Variants in NEURL1 observed in about 807,000 individuals in gnomAD.
NEURL1 encodes the protein neuralized E3 ubiquitin protein ligase 1, also known as E3 ubiquitin-protein ligase NEURL1.
In NEURL1, 26 loss-of-function variants were observed where a neutral mutation model predicts 41.2. The observed-to-expected ratio is 0.63, with a 90% CI of 0.46 to 0.87. The LOEUF (loss-of-function observed/expected upper bound fraction) is 0.87. Among genes scored for constraint, NEURL1 ranks in the 40% least tolerant of loss-of-function variants. The pLI is 0.00. For synonymous variants in NEURL1, 400 were observed against 402.3 expected (o/e 0.99, Z 0.07); for missense variants, 761 against 871.1 (o/e 0.87, Z 1.59).
intron 1 of NEURL1, chr10:103,550,447 C>A (rs2035011378): frequency 6.6e-6 from 1 of 152,482 alleles, no homozygotes; most frequent in East Asian, 1.9e-4. Context: ...GCCCTGCTTC[C>A]TGCCTGCAGG....
At chr10:103,575,795 A>G (rs966597477) in intron 3 of NEURL1, among the ~76,000 whole-genome samples, 1 of 152,232 alleles carries the variant, frequency 6.6e-6, no homozygotes, top group African/African-American at 2.4e-5. Context: ...ATCGTCAAGA[A>G]TAACAGCTTC....
At chr10:103,544,210 G>C (rs571125856) in intron 1 of NEURL1, among the ~76,000 whole-genome samples, 1 of 152,278 alleles carries the variant, frequency 6.6e-6, no homozygotes, top group East Asian at 1.9e-4. Context: ...CTCTTGGATG[G>C]GGAATCTGGG....
In NEURL1 at chr10:103,591,290, C is replaced by T. The variant is rs2133888656; in HGVS notation, c.*918C>T. On this transcript the variant is annotated 3_prime_UTR_variant, in exon 6 of 6. Coordinates refer to ENST00000369780, the MANE Select transcript of NEURL1 (RefSeq NM_004210.5). ...CCCCATATCTTGTGCTGTCCAGGGC[C>T]TAGGCTGATAGTCAGAGCCTGTGGC... The T allele has an allele frequency of 6.5e-6, 1 of 152,872 alleles. No individual in the cohort carries two copies. The highest frequency in any genetic ancestry group is 2.1e-4 in the South Asian group (1 of 4,832). The allele number at this position is 152,872 out of a possible 1,614,324, so 9.5% of individuals were successfully genotyped here.
At chr10:103,526,372 T>C (rs1393198634) in intron 1 of NEURL1, among the ~76,000 whole-genome samples, 2 of 152,212 alleles carry the variant, frequency 1.3e-5, no homozygotes, top group Non-Finnish European at 2.9e-5. Context: ...GTCCTGTGCT[T>C]TTCTTTGATG....
chr10:103,530,742 T>C lies in NEURL1; in HGVS notation c.85+36270T>C, dbSNP rs558280512. 2.6e-5 allele frequency among the ~76,000 whole-genome samples: 4 copies of C among 152,068 alleles called. No individual in the cohort carries two copies. In the East Asian group the frequency reaches 5.8e-4, roughly 22 times the overall value. On this transcript the variant is annotated intron_variant, in intron 1 of 5. Transcript: ENST00000369780. ...TATTAGTAGAGACGGGGTTTCACTG[T>C]GTTGGCCAGGCTGGTCTGTAACTCC... is the stretch of plus-strand genomic sequence containing the variant.
intron 1 of NEURL1, among the ~76,000 whole-genome samples, chr10:103,534,943 G>A (rs2034659623): frequency 1.3e-5 from 2 of 152,134 alleles, no homozygotes; most frequent in Admixed American, 1.3e-4. Context: ...TCTACTGCTG[G>A]GAGGGAGAGG....
At chr10:103,561,587 G>C (rs374622882) in intron 1 of NEURL1, among the ~76,000 whole-genome samples, 33 of 152,212 alleles carry the variant, frequency 2.2e-4, no homozygotes, top group African/African-American at 7.9e-4. Context: ...CTATTCATTC[G>C]AAGCTACTTG....
intron 1 of NEURL1, among the ~76,000 whole-genome samples, chr10:103,522,228 G>A (rs187479163): frequency 4.0e-4 from 61 of 152,196 alleles, no homozygotes; most frequent in African/African-American, 1.4e-3. Context: ...AGGTCACAGG[G>A]GATATGATGG....
chr10:103,517,447 A>G (rs546255601), intron 1 of NEURL1: 1 of 152,336 alleles, frequency 6.6e-6, no homozygotes, highest in Non-Finnish European at 1.5e-5. Context: ...CTCTGACCTC[A>G]TTTACTCAAC....
rs994530063 is a variant in NEURL1 at position 103,558,783 on chromosome 10, C to T, written c.86-12089C>T. Among the ~76,000 whole-genome samples, 5 of 152,070 alleles carry T rather than the reference C, an allele frequency of 3.3e-5. No individual in the cohort carries two copies. The highest frequency in any genetic ancestry group is 1.9e-4 in the East Asian group (1 of 5,186). ...GAGGTCCCCCTCCTCTCGCCTCTGC[C>T]GTCCTCTCTTCTTCCTTTCCCCCCA... On this transcript the variant is annotated intron_variant, in intron 1 of 5. Coordinates refer to ENST00000369780, the MANE Select transcript of NEURL1 (RefSeq NM_004210.5). This position sits in a 1 kb window ranked among gnomAD's most constrained non-coding sequence, Gnocchi z 4.2.
chr10:103,572,618 C>T (rs2035574891), intron 3 of NEURL1, among the ~76,000 whole-genome samples: 1 of 152,140 alleles, frequency 6.6e-6, no homozygotes, highest in African/African-American at 2.4e-5. Context: ...CTCCGACTTC[C>T]TAGGGTCACA....
intron 1 of NEURL1, among the ~76,000 whole-genome samples, chr10:103,516,315 G>A (rs2034205828): frequency 6.6e-6 from 1 of 151,202 alleles, no homozygotes; most frequent in African/African-American, 2.4e-5. Context: ...GAGAGTGAGG[G>A]AATAATCCAA....
intron 1 of NEURL1, among the ~76,000 whole-genome samples, chr10:103,560,918 T>A (rs1177930974): frequency 6.6e-6 from 1 of 152,236 alleles, no homozygotes; most frequent in Non-Finnish European, 1.5e-5. Flanking sequence ...ATTCCAAAAC[T>A]TAGCAGCTTA....
intron 1 of NEURL1, among the ~76,000 whole-genome samples, chr10:103,525,066 A>G (rs973740594): frequency 1.3e-5 from 2 of 152,156 alleles, no homozygotes; most frequent in Non-Finnish European, 2.9e-5. Flanking sequence ...TAATCCATAA[A>G]CATGGATGTC....
In NEURL1 at chr10:103,589,600, C is replaced by T. The variant is rs17855518; in HGVS notation, c.1426C>T (p.Arg476Cys). Reference protein sequence around the residue: ...TPTSPSALGSRLSDPLLSTCS... With the variant: ...TPTSPSALGSCLSDPLLSTCS... ...AACCTCGCCCAGTGCCCTGGGCAGC[C>T]GCCTGTCTGACCCCTTGCTCAGCAC... Residue 476 changes from arginine (R) to cysteine (C), a missense_variant, in exon 5 of 6, where the codon CGC becomes TGC. Transcript: ENST00000369780. The T allele has an allele frequency of 4.5e-5, 73 of 1,613,964 alleles. No homozygotes were observed. The East Asian group carries it at 8.5e-4, about 19-fold the overall frequency.
At chr10:103,587,461 T>C (rs2035946324) in intron 4 of NEURL1, among the ~76,000 whole-genome samples, 1 of 152,204 alleles carries the variant, frequency 6.6e-6, no homozygotes, top group Non-Finnish European at 1.5e-5. Flanking sequence ...GCTCCTGATC[T>C]GTTTGGAAAA....
chr10:103,502,899 G>A (rs1333040149), intron 1 of NEURL1, among the ~76,000 whole-genome samples: 1 of 152,246 alleles, frequency 6.6e-6, no homozygotes, highest in Admixed American at 6.5e-5. Context: ...GCTGCTTCAC[G>A]CTGAGCCGGT....
intron 1 of NEURL1, among the ~76,000 whole-genome samples, chr10:103,531,543 CT>C (rs1313694178): frequency 6.6e-6 from 1 of 151,302 alleles, no homozygotes; most frequent in African/African-American, 2.4e-5. Context: ...CTGGCCCCCA[CT>C]TTTTTTGAGA....
intron 1 of NEURL1, among the ~76,000 whole-genome samples, chr10:103,561,182 A>G (rs907392975): frequency 6.6e-6 from 1 of 152,084 alleles, no homozygotes; most frequent in African/African-American, 2.4e-5. Flanking sequence ...CAGGAGAGGC[A>G]AGAGAGTAAC....
Sources: allele counts gnomAD v4.1 joint callset (sites outside exome capture counted in the v4.1 genomes callset), GRCh38; gene constraint gnomAD v4.1.1; non-coding constraint Gnocchi (gnomAD v3.1); transcripts MANE v1.5; gene names NCBI Gene and HGNC (gene_info 2026-07-23, HGNC 2026-07-21).